Variants in MEGF6 observed in about 807,000 individuals in gnomAD.
The protein encoded by MEGF6 is multiple epidermal growth factor-like domains protein 6.
MEGF6 carries 184 observed loss-of-function variants against 207.1 expected under a neutral mutation model. The ratio of observed to expected loss-of-function variants is 0.89; its 90% confidence interval spans 0.79 to 1.00. The LOEUF is 1.00. MEGF6 is among the 50% of genes least tolerant of loss of function. MEGF6 has a pLI of 0.00. For synonymous variants in MEGF6, 1,038 were observed against 910.0 expected (o/e 1.14, Z -2.53); for missense variants, 2,282 against 2,202.9 (o/e 1.04, Z -0.72).
chr1:3,523,576 CA>C (rs1330956593), intron 5 of MEGF6, among the ~76,000 whole-genome samples: 1 of 152,194 alleles, frequency 6.6e-6, no homozygotes, highest in Admixed American at 6.5e-5. Flanking sequence ...CCACACCCTC[CA>C]GGCTCCCCAA....
chr1:3,622,563 T>C, the MEGF6 span, among the ~76,000 whole-genome samples: 1 of 152,120 alleles, frequency 6.6e-6, no homozygotes, highest in Non-Finnish European at 1.5e-5. Flanking sequence ...ACTAGGGTGG[T>C]CCCTAATCCA....
At chr1:3,506,375 C>T (rs1641119800) in intron 14 of MEGF6, 139 bp from the exon 15 acceptor site, 3 of 1,104,864 alleles carry the variant, frequency 2.7e-6, no homozygotes, top group Non-Finnish European at 3.8e-6. Context: ...CTAGGTGAGC[C>T]TTCCGGATGT....
upstream of MEGF6, among the ~76,000 whole-genome samples, chr1:3,615,407 T>TG (rs1189574624): frequency 6.6e-6 from 1 of 152,182 alleles, no homozygotes; most frequent in Non-Finnish European, 1.5e-5. Flanking sequence ...TCTTTCCAAG[T>TG]GGGGGCTTCC....
upstream of MEGF6, chr1:3,611,602 C>A (rs1489487043): frequency 3.4e-5 from 7 of 204,100 alleles, no homozygotes; most frequent in African/African-American, 4.9e-5. Flanking sequence ...CCGCCCCCTG[C>A]GCCCTCGGCC....
In MEGF6 at chr1:3,539,191, C is replaced by A. The variant is rs573088379; in HGVS notation, c.482-14945G>T. Among the ~76,000 whole-genome samples the A allele has an allele frequency of 3.9e-5, 6 of 152,192 alleles. No homozygotes were observed. In the South Asian group the frequency reaches 6.2e-4, roughly 16 times the overall value. Reference sequence around the variant, plus strand: ...CGTGGTGGGGAGGCGGCCCAGGGCACCGGGTCTAAGGTGCAGTGTCACTAC... The same window carrying A: ...CGTGGTGGGGAGGCGGCCCAGGGCAACGGGTCTAAGGTGCAGTGTCACTAC... On this transcript the variant is annotated intron_variant, in intron 4 of 36. Coordinates refer to ENST00000356575, the MANE Select transcript of MEGF6 (RefSeq NM_001409.4).
rs373773803 is a variant in MEGF6, at chr1:3,564,208, G to A, written c.481+15617C>T. On this transcript the variant is annotated intron_variant, in intron 4 of 36. Coordinates refer to ENST00000356575, the MANE Select transcript of MEGF6 (RefSeq NM_001409.4). ...GGGGTGGGGGAGCTGAGTCGGGGGT[G>A]CAGAAGGGCTGAGTCGGGGTGGGGG... Among the ~76,000 whole-genome samples the A allele has an allele frequency of 4.7e-5, 7 of 149,584 alleles. No individual in the cohort carries two copies. In the East Asian group the frequency reaches 5.9e-4, roughly 13 times the overall value.
rs755634497 is a variant in MEGF6, at chr1:3,560,809, A to C, written c.481+19016T>G. 4.7e-5 allele frequency: 22 copies of C among 466,588 alleles called. No homozygotes were observed. Among genetic ancestry groups the C allele is most frequent in the Non-Finnish European group, 9.3e-5 (21 of 225,264 alleles). 28.9% of individuals were successfully genotyped at this position (466,588 alleles called of 1,614,324 possible). Reference sequence around the variant, plus strand: ...AGTCCCCTCTGGCAGCCACCGGAGCAGCCAGGAACAGCCTCAGGCGTCGGC... The same window carrying C: ...AGTCCCCTCTGGCAGCCACCGGAGCCGCCAGGAACAGCCTCAGGCGTCGGC... On this transcript the variant is annotated intron_variant, in intron 4 of 36. Transcript: ENST00000356575. The surrounding 1 kb of genome is among the most constrained non-coding windows in gnomAD (Gnocchi z 4.0).
Position 3,560,753 on chromosome 1 carries a change from C to T in MEGF6, c.481+19072G>A, listed in dbSNP as rs1320026935. 2.1e-6 allele frequency: 1 copy of T among 471,394 alleles called. No homozygotes were observed. The highest frequency in any genetic ancestry group is 1.6e-5 in the South Asian group (1 of 63,962). The allele number at this position is 471,394 out of a possible 1,614,324, so 29.2% of individuals were successfully genotyped here. ...CGCCTAGAAACGGTCAGACTGGCCC[C>T]ACCCACTCTGGATTTCCAGGGTCAC... On this transcript the variant is annotated intron_variant, in intron 4 of 36. Coordinates refer to ENST00000356575, the MANE Select transcript of MEGF6 (RefSeq NM_001409.4). The surrounding 1 kb of genome is among the most constrained non-coding windows in gnomAD (Gnocchi z 4.0).
intron 24 of MEGF6, 33 bp downstream of exon 24, chr1:3,499,105 A>G (rs756827498): frequency 1.9e-6 from 3 of 1,594,944 alleles, no homozygotes; most frequent in Non-Finnish European, 2.6e-6. Context: ...TCAGGCCTGG[A>G]CCCCGGTCCC....
intron 35 of MEGF6, among the ~76,000 whole-genome samples, chr1:3,491,458 TCCTCTCCTCGCCCCGCCCCG>T (rs1251636252): frequency 6.7e-6 from 1 of 148,398 alleles, no homozygotes; most frequent in Non-Finnish European, 1.5e-5. Context: ...GCCCCGCCCC[TCCTCTCCTCGCCCCGCCCCG>T]CTCCACCGAG....
chr1:3,564,968 C>T (rs1018465731), intron 4 of MEGF6, among the ~76,000 whole-genome samples: 11 of 152,206 alleles, frequency 7.2e-5, no homozygotes, highest in African/African-American at 2.7e-4. Context: ...AGCCCCATAT[C>T]CTGACATTCT....
At chr1:3,576,605 G>C (rs1570173438) in intron 4 of MEGF6, among the ~76,000 whole-genome samples, 1 of 151,988 alleles carries the variant, frequency 6.6e-6, no homozygotes, top group South Asian at 2.1e-4. Context: ...GGAGCACTAT[G>C]GGCAGGGGCT....
Position 3,494,740 on chromosome 1 carries a change from G to A in MEGF6, c.3873C>T (p.Gly1291=). ...PGRAGVRCER[G]CPQNRFGVGC... Reference sequence around the variant, plus strand: ...CCACGCCAAACCGGTTCTGGGGGCAGCCTGGAGACAGAAGGCAGGTGCTGC... The same window carrying A: ...CCACGCCAAACCGGTTCTGGGGGCAACCTGGAGACAGAAGGCAGGTGCTGC... The change falls in exon 31 of 37, where the codon GGC becomes GGT. Residue 1291 remains glycine (G), a splice_region_variant and synonymous_variant. Transcript: ENST00000356575. 6.3e-7 allele frequency: 1 copy of A among 1,575,774 alleles called. No homozygotes were observed. The highest frequency in any genetic ancestry group is 1.3e-5 in the African/African-American group (1 of 74,328).
In MEGF6 at chr1:3,488,361, C is replaced by A. The variant is rs756622800; in HGVS notation, c.*2167G>T. 4.6e-5 allele frequency among the ~76,000 whole-genome samples: 7 copies of A among 152,140 alleles called. No individual in the cohort carries two copies. Among genetic ancestry groups the A allele is most frequent in the Non-Finnish European group, 1.0e-4 (7 of 68,032 alleles). ...GAGCGGGATGAGTGATTGGTACCTG[C>A]CAGGCCCCCCGTCCACACCCTCACA... On this transcript the variant is annotated 3_prime_UTR_variant, in exon 37 of 37. Coordinates refer to ENST00000356575, the MANE Select transcript of MEGF6 (RefSeq NM_001409.4).
Position 3,608,060 on chromosome 1 carries a change from C to T in MEGF6, c.131+3078G>A, listed in dbSNP as rs898124715. Among the ~76,000 whole-genome samples the T allele has an allele frequency of 9.9e-5, 15 of 152,210 alleles. No individual in the cohort carries two copies. In the East Asian group the frequency reaches 2.3e-3, roughly 24 times the overall value. On this transcript the variant is annotated intron_variant, in intron 1 of 36. Transcript: ENST00000356575. ...AGTTGGGGGGGCTCGCTCAGGACAGCGGCCCTGGAGGGCGGGGCTCGCTCA... is the reference window on the plus strand; with the variant it reads ...AGTTGGGGGGGCTCGCTCAGGACAGTGGCCCTGGAGGGCGGGGCTCGCTCA...
At chr1:3,603,481 C>T (rs920846180) in intron 1 of MEGF6, among the ~76,000 whole-genome samples, 1 of 152,120 alleles carries the variant, frequency 6.6e-6, no homozygotes, top group Non-Finnish European at 1.5e-5. Flanking sequence ...CGTCAGGTGA[C>T]GTCTGGGGGG....
intron 3 of MEGF6, among the ~76,000 whole-genome samples, chr1:3,584,579 T>C (rs369189113): frequency 2.6e-5 from 4 of 152,352 alleles, no homozygotes; most frequent in African/African-American, 9.6e-5. Flanking sequence ...CTCTGGACTC[T>C]GGTGACTGGC....
chr1:3,532,547 C>T (rs745472852), intron 4 of MEGF6, among the ~76,000 whole-genome samples: 34 of 152,222 alleles, frequency 2.2e-4, no homozygotes, highest in Non-Finnish European at 2.5e-4. Context: ...CAGGAAGGCC[C>T]GAAAATCTCC....
intron 5 of MEGF6, among the ~76,000 whole-genome samples, chr1:3,523,097 C>A (rs147331350): frequency 1.4e-3 from 208 of 150,580 alleles, no homozygotes; most frequent in African/African-American, 5.0e-3. Flanking sequence ...CCAGGGCTGG[C>A]GAGCTGCTCT....
Sources: gnomAD v4.1 joint callset for allele counts (sites outside exome capture counted in the v4.1 genomes callset) on GRCh38, gnomAD v4.1.1 for gene constraint, Gnocchi (gnomAD v3.1) non-coding constraint, MANE v1.5 for transcripts, NCBI Gene and HGNC (gene_info 2026-07-23, HGNC 2026-07-21) for gene names.